CLCC1: variants seen among roughly 807,000 people sequenced by gnomAD.
CLCC1 encodes the protein chloride channel CLIC like 1.
Under a neutral mutation model 63.3 loss-of-function variants are expected in CLCC1, and 39 were observed. The observed-to-expected ratio is 0.62, with a 90% confidence interval of 0.48 to 0.81. CLCC1 has a LOEUF of 0.81. Ranked by LOEUF, CLCC1 falls within the 30% of genes least tolerant of loss-of-function variation. The probability of loss-of-function intolerance (pLI) is 0.00; values close to 1 mark genes in which losing one functional copy is unlikely to be tolerated. For synonymous variants in CLCC1, 217 were observed against 239.8 expected (o/e 0.90, Z 0.88); for missense variants, 549 against 669.4 (o/e 0.82, Z 1.98).
chr1:108,936,951 AGT>A, intron 11 of CLCC1, 124 bp downstream of exon 11: 1 of 524,456 alleles, frequency 1.9e-6, no homozygotes, highest in Admixed American at 4.2e-5. Context: ...GGAGAGAGTG[AGT>A]GGCTGTATCA....
In CLCC1 at chr1:108,930,945, A is replaced by G; in HGVS notation, c.*1602T>C. The G allele has an allele frequency of 6.2e-6, 1 of 160,298 alleles. No individual in the cohort carries two copies. The highest frequency in any genetic ancestry group is 1.3e-5 in the Non-Finnish European group (1 of 74,146). The allele number at this position is 160,298 out of a possible 1,614,324, so 9.9% of individuals were successfully genotyped here. A position where few individuals can be genotyped will look rare whatever the true frequency, so the allele number is the denominator to read the frequency against. On this transcript the variant is annotated 3_prime_UTR_variant, in exon 13 of 13. Coordinates refer to ENST00000369969, the MANE Select transcript of CLCC1 (RefSeq NM_001377458.1). ...CACACACCTGTAGTCCCAACTGCTT[A>G]AGAGGCTGAGGCAGGAGGACCACTT... is the stretch of plus-strand genomic sequence containing the variant.
chr1:108,931,176 A>G lies in CLCC1; in HGVS notation c.*1371T>C. 1.2e-6 allele frequency: 1 copy of G among 845,328 alleles called. No individual in the cohort carries two copies. Among genetic ancestry groups the G allele is most frequent in the South Asian group, 2.3e-5 (1 of 42,996 alleles). The allele number at this position is 845,328 out of a possible 1,614,324, so 52.4% of individuals were successfully genotyped here. A position where few individuals can be genotyped will look rare whatever the true frequency, so the allele number is the denominator to read the frequency against. On this transcript the variant is annotated 3_prime_UTR_variant, in exon 13 of 13. Transcript: ENST00000369969. ...AGTTCTAATATAAAAACAAAAAACA[A>G]AACCCATGTGGTTAGGTCAAGAACC...
intron 2 of CLCC1, among the ~76,000 whole-genome samples, chr1:108,958,778 G>A (rs1173347716): frequency 1.3e-5 from 2 of 151,440 alleles, no homozygotes; most frequent in Non-Finnish European, 2.9e-5. Flanking sequence ...TACTCAGGAG[G>A]CTGAGGCAGG....
Position 108,941,445 on chromosome 1 carries a change from ATTGT to A in CLCC1, c.752_755del (p.Asn251MetfsTer36). 1 of 1,614,080 alleles carries A rather than the reference ATTGT, an allele frequency of 6.2e-7. No individual in the cohort carries two copies. Among genetic ancestry groups the A allele is most frequent in the Non-Finnish European group, 8.5e-7 (1 of 1,180,004 alleles). On this transcript the variant is annotated frameshift_variant, in exon 8 of 13. Transcript: ENST00000369969. LOFTEE classifies it high-confidence loss of function. ...TCCAGTCCATCTTTTTGGCACACAC[ATTGT>A]TTAATGGCTCCATCTTGGCGACTTC... is the stretch of plus-strand genomic sequence containing the variant.
At position 108,931,341 on chromosome 1, in the gene CLCC1, TAAC is replaced by T. The variant is rs957253069; in HGVS notation, c.*1203_*1205del. 6 of 1,550,586 alleles carry T rather than the reference TAAC, an allele frequency of 3.9e-6. No homozygotes were observed. The African/African-American group carries it at 8.2e-5, about 21-fold the overall frequency. On this transcript the variant is annotated 3_prime_UTR_variant, in exon 13 of 13. Transcript: ENST00000369969. ...TTGAAGGCAGTTTACAAGGGGATGA[TAAC>T]AAAGTAACTAACTAACTGTAGCAAA... is the stretch of plus-strand genomic sequence containing the variant.
intron 11 of CLCC1, among the ~76,000 whole-genome samples, chr1:108,935,649 C>A (rs1035828029): frequency 5.9e-5 from 9 of 152,094 alleles, no homozygotes; most frequent in African/African-American, 1.9e-4. Context: ...GCCTATAGTC[C>A]TAGTTACTCA....
chr1:108,929,838 AAG>A lies in CLCC1; in HGVS notation c.*2707_*2708del. The A allele has an allele frequency of 6.2e-7, 1 of 1,614,080 alleles. No homozygotes were observed. The highest frequency in any genetic ancestry group is 8.5e-7 in the Non-Finnish European group (1 of 1,179,948). The stretch of plus-strand genomic sequence containing the variant: ...TGGATGAACAGAGAGTTCTTTTACA[AAG>A]AGATCAAAACAGAGACACTGACTTT... On this transcript the variant is annotated 3_prime_UTR_variant, in exon 13 of 13. Coordinates refer to ENST00000369969, the MANE Select transcript of CLCC1 (RefSeq NM_001377458.1).
intron 3 of CLCC1, 129 bp from the exon 4 acceptor site, chr1:108,950,050 G>C (rs1295880007): frequency 2.9e-6 from 2 of 682,108 alleles, no homozygotes; most frequent in Admixed American, 7.0e-5. Context: ...AAATTGTACT[G>C]AACCACAAAA....
intron 2 of CLCC1, among the ~76,000 whole-genome samples, chr1:108,959,056 C>G (rs1248815580): frequency 6.6e-6 from 1 of 151,920 alleles, no homozygotes; most frequent in Non-Finnish European, 1.5e-5. Context: ...TGCCTGTAAT[C>G]CCAGCTACTC....
intron 8 of CLCC1, among the ~76,000 whole-genome samples, chr1:108,940,611 C>A (rs1362683906): frequency 1.3e-5 from 2 of 152,088 alleles, no homozygotes; most frequent in African/African-American, 4.8e-5. Context: ...TCCACAATTA[C>A]CTCAGTAAAT....
chr1:108,950,996 T>G (rs1655111253), intron 2 of CLCC1, among the ~76,000 whole-genome samples: 1 of 152,174 alleles, frequency 6.6e-6, no homozygotes, highest in African/African-American at 2.4e-5. Context: ...GGCCCAGCAA[T>G]TCCATTGCTA....
At position 108,931,102 on chromosome 1, in the gene CLCC1, A is replaced by T. The variant is rs1651875806; in HGVS notation, c.*1445T>A. The T allele has an allele frequency of 1.1e-5, 4 of 348,188 alleles. No homozygotes were observed. Among genetic ancestry groups the T allele is most frequent in the Middle Eastern group, 8.6e-4 (1 of 1,164 alleles). The allele number at this position is 348,188 out of a possible 1,614,324, so 21.6% of individuals were successfully genotyped here. A position where few individuals can be genotyped will look rare whatever the true frequency, so the allele number is the denominator to read the frequency against. On this transcript the variant is annotated 3_prime_UTR_variant, in exon 13 of 13. Coordinates refer to ENST00000369969, the MANE Select transcript of CLCC1 (RefSeq NM_001377458.1). ...TTTGGGCTGTTTAAAAAAATTATTT[A>T]AAATGGTCTCTTCTGTTCCATAATA...
chr1:108,946,490 T>C (rs1654558489), intron 5 of CLCC1, among the ~76,000 whole-genome samples: 1 of 152,186 alleles, frequency 6.6e-6, no homozygotes, highest in Admixed American at 6.5e-5. Flanking sequence ...GGTGGCGTTA[T>C]TCATCTAACA....
chr1:108,958,948 C>T (rs897547997), intron 2 of CLCC1, among the ~76,000 whole-genome samples: 3 of 151,038 alleles, frequency 2.0e-5, no homozygotes, highest in Non-Finnish European at 4.4e-5. Flanking sequence ...CCGAGGTGGG[C>T]GGATCACCCA....
chr1:108,958,605 C>T (rs1462839509), intron 2 of CLCC1, among the ~76,000 whole-genome samples: 2 of 151,588 alleles, frequency 1.3e-5, no homozygotes, highest in African/African-American at 2.4e-5. Context: ...AAGGGCTGGG[C>T]GTGGTGGCTC....
intron 7 of CLCC1, among the ~76,000 whole-genome samples, chr1:108,941,933 A>C (rs1392879528): frequency 6.6e-6 from 1 of 152,122 alleles, no homozygotes; most frequent in Non-Finnish European, 1.5e-5. Flanking sequence ...GGATTATAGG[A>C]AAACATATTA....
rs772011195 is a variant in CLCC1, at chr1:108,929,715, T to C, written c.*2832A>G. ...TAAACTTCTAGGGATCCAGATTAGA[T>C]GATCAAAGATGTGCTCCACCACCTG... On this transcript the variant is annotated 3_prime_UTR_variant, in exon 13 of 13. Transcript: ENST00000369969. 1.2e-6 allele frequency: 2 copies of C among 1,613,130 alleles called. No individual in the cohort carries two copies. Among genetic ancestry groups the C allele is most frequent in the African/African-American group, 2.7e-5 (2 of 74,916 alleles).
rs1651936622 is a variant in CLCC1 at position 108,931,380 on chromosome 1, G to A, written c.*1167C>T. 6.4e-7 allele frequency: 1 copy of A among 1,551,138 alleles called. No individual in the cohort carries two copies. The highest frequency in any genetic ancestry group is 8.7e-7 in the Non-Finnish European group (1 of 1,147,118). ...ACTAACTGTAGCAAAAGACAAGTAT[G>A]GGACAGACTGGGACCTGGAGTAACA... On this transcript the variant is annotated 3_prime_UTR_variant, in exon 13 of 13. Coordinates refer to ENST00000369969, the MANE Select transcript of CLCC1 (RefSeq NM_001377458.1).
intron 3 of CLCC1, among the ~76,000 whole-genome samples, 170 bp downstream of exon 3, chr1:108,950,139 A>G (rs1655006233): frequency 6.6e-6 from 1 of 152,174 alleles, no homozygotes; most frequent in African/African-American, 2.4e-5. Context: ...CAAATTCAAT[A>G]CCAGGTAGGT....
Sources: gnomAD v4.1 joint callset for allele counts (sites outside exome capture counted in the v4.1 genomes callset) on GRCh38, gnomAD v4.1.1 for gene constraint, MANE v1.5 for transcripts, NCBI Gene and HGNC (gene_info 2026-07-23, HGNC 2026-07-21) for gene names.